The following ZSWIM9 variants were observed in gnomAD, a reference collection of about 807,000 sequenced individuals.
ZSWIM9 encodes the protein zinc finger SWIM-type containing 9.
In ZSWIM9, 11 loss-of-function variants were observed where a neutral mutation model predicts 25.0. That is an observed-to-expected ratio of 0.44 (90% CI 0.28 to 0.73). ZSWIM9 has a LOEUF of 0.73. ZSWIM9 is among the 30% of genes least tolerant of loss of function. ZSWIM9 has a pLI of 0.16. For synonymous variants in ZSWIM9, 562 were observed against 582.1 expected, an observed-to-expected ratio of 0.97 and a Z score of 0.50; for missense variants, 1,070 against 1,296.5, an observed-to-expected ratio of 0.83 and a Z score of 2.68.
chr19:48,176,303 T>A (rs1420209096), intron 2 of ZSWIM9, among the ~76,000 whole-genome samples: 2 of 152,194 alleles, frequency 1.3e-5, no homozygotes, highest in Non-Finnish European at 2.9e-5. Context: ...ATTTCTGCAT[T>A]GTTTACTATG....
chr19:48,177,518 C>T (rs2036905248), intron 2 of ZSWIM9, among the ~76,000 whole-genome samples: 2 of 152,160 alleles, frequency 1.3e-5, no homozygotes, highest in African/African-American at 4.8e-5. Flanking sequence ...ATTATTCCTC[C>T]AGACAGGTGG....
intron 2 of ZSWIM9, among the ~76,000 whole-genome samples, chr19:48,173,668 G>C (rs1052196403): frequency 1.3e-4 from 20 of 152,078 alleles, no homozygotes; most frequent in Non-Finnish European, 1.5e-5. Flanking sequence ...ACGGAGTCTT[G>C]CTCTGCCATC....
At chr19:48,183,857 A>G (rs2036982674) in intron 3 of ZSWIM9, among the ~76,000 whole-genome samples, 1 of 149,966 alleles carries the variant, frequency 6.7e-6, no homozygotes, top group South Asian at 2.1e-4. Flanking sequence ...TATGTTGCCC[A>G]GGCTAGTCTT....
At chr19:48,193,119 T>A (rs535874955) in intron 3 of ZSWIM9, 1 of 155,114 alleles carries the variant, frequency 6.4e-6, no homozygotes, top group Admixed American at 6.5e-5. Flanking sequence ...TGAGAGCTGA[T>A]GCACGCCAGG....
In ZSWIM9 at chr19:48,194,940, C is replaced by G; in HGVS notation, c.876C>G (p.Leu292=). ...APDVKGRVRC[L]TAGPEVAAQL... ...ACGTCAAGGGCCGCGTGCGCTGCCT[C>G]ACCGCCGGGCCCGAGGTGGCGGCGC... The change falls in exon 4 of 4, where the codon CTC becomes CTG. Residue 292 remains leucine, a synonymous_variant. Coordinates refer to ENST00000614654, the MANE Select transcript of ZSWIM9 (RefSeq NM_199341.4). This position sits in a 1 kb window ranked among gnomAD's most constrained non-coding sequence, Gnocchi z 6.0. 7.6e-7 allele frequency: 1 copy of G among 1,322,530 alleles called. No homozygotes were observed. 81.9% of individuals were successfully genotyped at this position (1,322,530 alleles called of 1,614,324 possible).
At chr19:48,177,549 G>T (rs931111884) in intron 2 of ZSWIM9, among the ~76,000 whole-genome samples, 4 of 152,180 alleles carry the variant, frequency 2.6e-5, no homozygotes, top group Non-Finnish European at 5.9e-5. Context: ...GAAAAATGGC[G>T]TGTTGAAGCA....
At chr19:48,187,512 T>A (rs181546556) in intron 3 of ZSWIM9, among the ~76,000 whole-genome samples, 2 of 62,496 alleles carry the variant, frequency 3.2e-5, no homozygotes, top group Non-Finnish European at 2.9e-5. Context: ...TATATTATAT[T>A]ATATATATTA....
intron 3 of ZSWIM9, chr19:48,187,572 TATA>T (rs1253204624): frequency 2.2e-5 from 1 of 44,966 alleles, no homozygotes; most frequent in African/African-American, 6.2e-5. Flanking sequence ...TATAATATTA[TATA>T]TATTATATAT....
chr19:48,193,511 C>G (rs541693257), intron 3 of ZSWIM9, among the ~76,000 whole-genome samples: 47 of 152,302 alleles, frequency 3.1e-4, no homozygotes, highest in Non-Finnish European at 5.9e-4. Flanking sequence ...GAGACCATCC[C>G]GAAGGGGAAC....
Position 48,182,304 on chromosome 19 carries a change from C to T in ZSWIM9, c.276-151C>T. 1 of 671,390 alleles carries T rather than the reference C, an allele frequency of 1.5e-6. No individual in the cohort carries two copies. The highest frequency in any genetic ancestry group is 2.0e-5 in the South Asian group (1 of 50,770). 41.6% of individuals were successfully genotyped at this position (671,390 alleles called of 1,614,324 possible). On this transcript the variant is annotated intron_variant, in intron 2 of 3. Transcript: ENST00000614654. The surrounding 1 kb of genome is among the most constrained non-coding windows in gnomAD (Gnocchi z 4.6). Reference sequence around the variant, plus strand: ...GGCATAGAGACTTGAAGTGACTTGCCCCAGGTCACACAGCTGGCATATTCT... The same window carrying T: ...GGCATAGAGACTTGAAGTGACTTGCTCCAGGTCACACAGCTGGCATATTCT...
chr19:48,195,053 A>G lies in ZSWIM9; in HGVS notation c.989A>G (p.Gln330Arg). The change falls in exon 4 of 4, where the codon CAG becomes CGG. Residue 330 changes from glutamine (Q) to arginine (R), a missense_variant. Gln to Arg is a conservative substitution (Grantham distance 43, BLOSUM62 1). This residue lies in a region of ZSWIM9 where 184 missense variants were observed against 243.1 expected (regional missense o/e 0.76). Coordinates refer to ENST00000614654, the MANE Select transcript of ZSWIM9 (RefSeq NM_199341.4). The surrounding 1 kb of genome is among the most constrained non-coding windows in gnomAD (Gnocchi z 5.8). ...QGLETLFSKA[Q>R]ELGGAGREDP... ...CTGGAGACGCTCTTCAGCAAGGCGC[A>G]GGAGCTGGGCGGCGCCGGCCGCGAG... is the stretch of plus-strand genomic sequence containing the variant. The G allele has an allele frequency of 1.4e-6, 2 of 1,379,914 alleles. No individual in the cohort carries two copies. Among genetic ancestry groups the G allele is most frequent in the Non-Finnish European group, 1.9e-6 (2 of 1,074,886 alleles). The allele number at this position is 1,379,914 out of a possible 1,614,324, so 85.5% of individuals were successfully genotyped here. A position where few individuals can be genotyped will look rare whatever the true frequency, so the allele number is the denominator to read the frequency against.
intron 2 of ZSWIM9, among the ~76,000 whole-genome samples, chr19:48,180,162 A>G (rs1277083989): frequency 6.6e-6 from 1 of 151,986 alleles, no homozygotes; most frequent in Non-Finnish European, 1.5e-5. Context: ...GATTACAGGC[A>G]TGCACCACCA....
In ZSWIM9 at chr19:48,197,482, G is replaced by A; in HGVS notation, c.*655G>A. 3 of 581,090 alleles carry A rather than the reference G, an allele frequency of 5.2e-6. 1 individual carries two copies. The South Asian group carries it at 6.3e-5, about 12-fold the overall frequency. The allele number at this position is 581,090 out of a possible 1,614,324, so 36.0% of individuals were successfully genotyped here. On this transcript the variant is annotated 3_prime_UTR_variant, in exon 4 of 4. Transcript: ENST00000614654. ...GGGCGTGGTTTTGGTTTTTCTCCAA[G>A]ACCTGGAGACATCGACCCCCATCGC...
intron 3 of ZSWIM9, among the ~76,000 whole-genome samples, chr19:48,192,498 T>TATATATATATAC (rs369454865): frequency 2.4e-4 from 5 of 20,764 alleles, no homozygotes; most frequent in Non-Finnish European, 3.1e-4. Flanking sequence ...TATATATATA[T>TATATATATATAC]ACACACACAC....
rs1218485567 is a variant in ZSWIM9, at chr19:48,182,924, G to A, written c.588+157G>A. ...CAATAAGTACTTACCGAGGCATTGG[G>A]GATGCAGCAGCAAACCAGACCCACG... On this transcript the variant is annotated intron_variant, in intron 3 of 3. Coordinates refer to ENST00000614654, the MANE Select transcript of ZSWIM9 (RefSeq NM_199341.4). The surrounding 1 kb of genome is among the most constrained non-coding windows in gnomAD (Gnocchi z 4.6). 2 of 649,670 alleles carry A rather than the reference G, an allele frequency of 3.1e-6. No individual in the cohort carries two copies. The highest frequency in any genetic ancestry group is 1.9e-5 in the South Asian group (1 of 51,436). 40.2% of individuals were successfully genotyped at this position (649,670 alleles called of 1,614,324 possible).
At chr19:48,193,717 G>A (rs1337784040) in intron 3 of ZSWIM9, among the ~76,000 whole-genome samples, 1 of 152,202 alleles carries the variant, frequency 6.6e-6, no homozygotes, top group Non-Finnish European at 1.5e-5. Context: ...AATTATAATG[G>A]CCACTTTCAG....
At chr19:48,192,470 A>ATAT (rs1568582364) in intron 3 of ZSWIM9, among the ~76,000 whole-genome samples, 2 of 25,646 alleles carry the variant, frequency 7.8e-5, no homozygotes, top group African/African-American at 2.5e-4. Context: ...AAAAAAAAAA[A>ATAT]AAAAAAAAAA....
chr19:48,175,819 C>T (rs556235553), intron 2 of ZSWIM9, among the ~76,000 whole-genome samples: 44 of 152,302 alleles, frequency 2.9e-4, no homozygotes, highest in Admixed American at 7.8e-4. Flanking sequence ...CCCTCTCTCT[C>T]AGCACTTCCC....
At position 48,182,508 on chromosome 19, in the gene ZSWIM9, G is replaced by A. The variant is rs746399594; in HGVS notation, c.329G>A (p.Arg110Gln). The A allele has an allele frequency of 2.7e-5, 42 of 1,535,760 alleles. No individual in the cohort carries two copies. The East Asian group carries it at 3.9e-4, about 14-fold the overall frequency. ...AFIIVKLSPL[R>Q]DRLVVTECQL... ...ATCATCGTCAAGCTGAGCCCGCTGC[G>A]GGACCGCCTCGTGGTGACGGAGTGC... Residue 110 changes from arginine to glutamine, a missense_variant, in exon 3 of 4, where the codon CGG (arginine) becomes CAG (glutamine). Physicochemically the swap from Arg to Gln is conservative, Grantham distance 43 (BLOSUM62 1). Transcript: ENST00000614654. The surrounding 1 kb of genome is among the most constrained non-coding windows in gnomAD (Gnocchi z 4.6).
Sources: gnomAD v4.1 joint callset for allele counts (sites outside exome capture counted in the v4.1 genomes callset) on GRCh38, gnomAD v4.1.1 for gene constraint, gnomAD v4.1.1 regional missense constraint, Gnocchi (gnomAD v3.1) non-coding constraint, MANE v1.5 for transcripts, NCBI Gene and HGNC (gene_info 2026-07-23, HGNC 2026-07-21) for gene names.